CTNNB1: variants seen among roughly 807,000 people sequenced by gnomAD.
CTNNB1 encodes the protein catenin beta-1.
A neutral mutation model predicts 82.5 loss-of-function variants in CTNNB1; 6 were observed. The ratio of observed to expected loss-of-function variants is 0.07; its 90% CI spans 0.04 to 0.14. The LOEUF is 0.14. CTNNB1 is among the 10% of genes least tolerant of loss of function. The probability of loss-of-function intolerance (pLI) is 1.00; values close to 1 mark genes in which losing one functional copy is unlikely to be tolerated. For synonymous variants in CTNNB1, 312 were observed against 329.7 expected (o/e 0.95, Z 0.58); for missense variants, 529 against 980.4 (o/e 0.54, Z 6.15).
chr3:41,211,100 C>G, intron 1 of CTNNB1: 1 of 456,308 alleles, frequency 2.2e-6, no homozygotes, highest in Non-Finnish European at 4.4e-6. Flanking sequence ...GCCCACTGTA[C>G]TTTTATACAA....
At position 41,227,213 on chromosome 3, in the gene CTNNB1, C is replaced by G. The variant is rs2125627545; in HGVS notation, c.942C>G (p.Ile314Met). The G allele has an allele frequency of 6.2e-7, 1 of 1,609,758 alleles. No homozygotes were observed. Among genetic ancestry groups the G allele is most frequent in the South Asian group, 1.1e-5 (1 of 90,994 alleles). The change falls in exon 7 of 15, where the codon ATC becomes ATG. Residue 314 changes from isoleucine to methionine, a missense_variant. Ile to Met is a conservative substitution (Grantham distance 10). Transcript: ENST00000349496. Reference sequence around the variant, plus strand: ...ATATATATATATCTTTCTAGCTCATCATACTGGCTAGTGGTGGACCCCAAG... The same window carrying G: ...ATATATATATATCTTTCTAGCTCATGATACTGGCTAGTGGTGGACCCCAAG... The part of the protein sequence containing the change: ...LAYGNQESKL[I>M]ILASGGPQAL...
In CTNNB1 at chr3:41,237,073, T is replaced by C. The variant is rs184260900; in HGVS notation, c.2076+364T>C. 820 of 378,430 alleles carry C rather than the reference T, an allele frequency of 2.2e-3. 2 individuals carry two copies. The highest frequency in any genetic ancestry group is 4.4e-3 in the Admixed American group (102 of 22,986). The allele number at this position is 378,430 out of a possible 1,614,324, so 23.4% of individuals were successfully genotyped here. On this transcript the variant is annotated intron_variant, in intron 13 of 14. Transcript: ENST00000349496. ...TTTTTACTAAACTTTAATAAAACTTTTCTATTTGAATTTCTGCTATGAATT... is the reference window on the plus strand; with the variant it reads ...TTTTTACTAAACTTTAATAAAACTTCTCTATTTGAATTTCTGCTATGAATT...
chr3:41,236,831 T>C, intron 13 of CTNNB1, 122 bp downstream of exon 13: 1 of 1,341,284 alleles, frequency 7.5e-7, no homozygotes, highest in African/African-American at 1.4e-5. Context: ...GGCTTGAGTA[T>C]TTCTTCTTTA....
chr3:41,239,665 T>TTGTC lies in CTNNB1; in HGVS notation c.*326_*329dup. On this transcript the variant is annotated 3_prime_UTR_variant, in exon 15 of 15. Transcript: ENST00000349496. ...GCCTTTCTCTCTTTATACAGCTGTA[T>TTGTC]TGTCTGAACTTGCATTGTGATTGGC... The TTGTC allele has an allele frequency of 2.3e-6, 1 of 442,416 alleles. No individual in the cohort carries two copies. Among genetic ancestry groups the TTGTC allele is most frequent in the Non-Finnish European group, 4.2e-6 (1 of 237,654 alleles). The allele number at this position is 442,416 out of a possible 1,614,324, so 27.4% of individuals were successfully genotyped here. A position where few individuals can be genotyped will look rare whatever the true frequency, so the allele number is the denominator to read the frequency against.
chr3:41,222,671 C>G (rs970126092), intron 1 of CTNNB1, among the ~76,000 whole-genome samples: 1 of 152,110 alleles, frequency 6.6e-6, no homozygotes, highest in Non-Finnish European at 1.5e-5. Flanking sequence ...AATGTTTTGC[C>G]TTTGCATCAA....
chr3:41,211,511 A>G (rs2077785290), intron 1 of CTNNB1, among the ~76,000 whole-genome samples: 1 of 152,208 alleles, frequency 6.6e-6, no homozygotes, highest in Non-Finnish European at 1.5e-5. Flanking sequence ...AGTACTCAAT[A>G]GATAACGTTC....
rs758551763 is a variant in CTNNB1, at chr3:41,225,081, G to C, written c.369G>C (p.Gln123His). 2.5e-6 allele frequency: 4 copies of C among 1,614,106 alleles called. No homozygotes were observed. The highest frequency in any genetic ancestry group is 1.3e-5 in the African/African-American group (1 of 75,026). Residue 123 changes from glutamine (Q) to histidine (H), a missense_variant, in exon 4 of 15, where the codon CAG (glutamine) becomes CAC (histidine). Physicochemically the swap from Gln to His is conservative, Grantham distance 24 (BLOSUM62 0). Coordinates refer to ENST00000349496, the MANE Select transcript of CTNNB1 (RefSeq NM_001904.4). The surrounding 1 kb of genome is among the most constrained non-coding windows in gnomAD (Gnocchi z 5.3). Reference protein sequence around the residue: ...QFDAAHPTNVQRLAEPSQMLK... With the variant: ...QFDAAHPTNVHRLAEPSQMLK... ...ATGCTGCTCATCCCACTAATGTCCA[G>C]CGTTTGGCTGAACCATCACAGATGC... is the stretch of plus-strand genomic sequence containing the variant.
At position 41,236,757 on chromosome 3, in the gene CTNNB1, T is replaced by C. The variant is rs1456095834; in HGVS notation, c.2076+48T>C. The C allele has an allele frequency of 2.5e-6, 4 of 1,612,520 alleles. No homozygotes were observed. In the East Asian group the frequency reaches 8.9e-5, roughly 36 times the overall value. On this transcript the variant is annotated intron_variant, in intron 13 of 14. Coordinates refer to ENST00000349496, the MANE Select transcript of CTNNB1 (RefSeq NM_001904.4). ...TTATCTGGTAGTTTCCTAGAGCAGGTATGGCAGCTTGTTCTTTCCTCTCAA... is the reference window on the plus strand; with the variant it reads ...TTATCTGGTAGTTTCCTAGAGCAGGCATGGCAGCTTGTTCTTTCCTCTCAA...
chr3:41,212,334 T>TC (rs2077812857), intron 1 of CTNNB1, among the ~76,000 whole-genome samples: 1 of 152,178 alleles, frequency 6.6e-6, no homozygotes, highest in African/African-American at 2.4e-5. Flanking sequence ...ACCTTTTTTT[T>TC]CCCCTCCACT....
chr3:41,230,933 C>T (rs1459922680), intron 7 of CTNNB1, among the ~76,000 whole-genome samples: 1 of 152,186 alleles, frequency 6.6e-6, no homozygotes, highest in Admixed American at 6.5e-5. Context: ...AAAAGAATCT[C>T]ATAATGTTTA....
intron 11 of CTNNB1, 87 bp downstream of exon 11, chr3:41,235,930 CATA>C: frequency 1.4e-6 from 2 of 1,451,704 alleles, no homozygotes; most frequent in Non-Finnish European, 1.9e-6. Flanking sequence ...AATTAGGGAC[CATA>C]ATAGGGTTAC....
In CTNNB1 at chr3:41,239,379, T is replaced by G. The variant is rs1452193455; in HGVS notation, c.*37T>G. On this transcript the variant is annotated 3_prime_UTR_variant, in exon 15 of 15. Coordinates refer to ENST00000349496, the MANE Select transcript of CTNNB1 (RefSeq NM_001904.4). ...GGTAAGAAGTTTTAAAAAGCCAGTT[T>G]GGGTAAAATACTTTTACTCTGCCTA... The G allele has an allele frequency of 1.9e-6, 3 of 1,576,378 alleles. No homozygotes were observed. The highest frequency in any genetic ancestry group is 2.6e-6 in the Non-Finnish European group (3 of 1,152,226).
chr3:41,223,354 A>G (rs570365589), intron 1 of CTNNB1, among the ~76,000 whole-genome samples: 32 of 152,276 alleles, frequency 2.1e-4, no homozygotes, highest in Admixed American at 1.6e-3. Flanking sequence ...ATTGATCAAA[A>G]TATGTATCCA....
intron 1 of CTNNB1, among the ~76,000 whole-genome samples, chr3:41,220,267 CTATT>C (rs1474120522): frequency 6.6e-6 from 1 of 151,782 alleles, no homozygotes; most frequent in Non-Finnish European, 1.5e-5. Context: ...ATTTGTGTAC[CTATT>C]TAAAGACAGT....
intron 1 of CTNNB1, among the ~76,000 whole-genome samples, chr3:41,210,757 A>G (rs1345987998): frequency 2.6e-5 from 4 of 152,122 alleles, no homozygotes; most frequent in African/African-American, 9.7e-5. Context: ...CATTATCATT[A>G]TCAAGTGTCA....
chr3:41,224,472 A>G (rs1415016807), intron 2 of CTNNB1, 54 bp from the exon 3 acceptor site: 1 of 1,466,090 alleles, frequency 6.8e-7, no homozygotes, highest in South Asian at 1.2e-5. Flanking sequence ...CTTTTTTTTT[A>G]AATTAAAGTA....
Position 41,225,466 on chromosome 3 carries a change from A to T in CTNNB1, c.628A>T (p.Thr210Ser), listed in dbSNP as rs1407787738. The change falls in exon 5 of 15, where the codon ACA becomes TCA. Residue 210 changes from threonine (T) to serine (S), a missense_variant. Transcript: ENST00000349496. This position sits in a 1 kb window ranked among gnomAD's most constrained non-coding sequence, Gnocchi z 5.3. The stretch of plus-strand genomic sequence containing the variant: ...CATGCAGAATACAAATGATGTAGAA[A>T]CAGCTCGTTGTACCGCTGGGACCTT... ...RTMQNTNDVE[T>S]ARCTAGTLHN... 6.2e-7 allele frequency: 1 copy of T among 1,613,882 alleles called. No individual in the cohort carries two copies. Among genetic ancestry groups the T allele is most frequent in the Non-Finnish European group, 8.5e-7 (1 of 1,179,994 alleles).
chr3:41,229,744 CTAAGTA>C (rs2078261696), intron 7 of CTNNB1, among the ~76,000 whole-genome samples: 2 of 152,042 alleles, frequency 1.3e-5, no homozygotes, highest in African/African-American at 4.8e-5. Flanking sequence ...TAGATGTCGT[CTAAGTA>C]TGAGAAACAA....
rs2078150188 is a variant in CTNNB1, at chr3:41,225,340, G to T, written c.502G>T (p.Val168Phe). Residue 168 changes from valine (V) to phenylalanine (F), a missense_variant, in exon 5 of 15, where the codon GTT (valine) becomes TTT (phenylalanine). By Grantham distance (50) the Val-to-Phe change is conservative (BLOSUM62 -1). This residue lies in a region of CTNNB1 where 411 missense variants were observed against 776.4 expected (regional missense o/e 0.53). Coordinates refer to ENST00000349496, the MANE Select transcript of CTNNB1 (RefSeq NM_001904.4). This position sits in a 1 kb window ranked among gnomAD's most constrained non-coding sequence, Gnocchi z 5.3. Reference sequence around the variant, plus strand: ...CTGAATTCCTGTATTACAGGTGGTGGTTAATAAGGCTGCAGTTATGGTCCA... The same window carrying T: ...CTGAATTCCTGTATTACAGGTGGTGTTTAATAAGGCTGCAGTTATGGTCCA... ...KLLNDEDQVV[V>F]NKAAVMVHQL... 6.2e-7 allele frequency: 1 copy of T among 1,614,042 alleles called. No individual in the cohort carries two copies. The highest frequency in any genetic ancestry group is 8.5e-7 in the Non-Finnish European group (1 of 1,179,976).
Sources: allele counts gnomAD v4.1 joint callset (sites outside exome capture counted in the v4.1 genomes callset), GRCh38; gene constraint gnomAD v4.1.1; regional missense constraint gnomAD v4.1.1; non-coding constraint Gnocchi (gnomAD v3.1); transcripts MANE v1.5; gene names NCBI Gene and HGNC (gene_info 2026-07-23, HGNC 2026-07-21).